The following KCNK9 variants were observed in gnomAD, a reference collection of about 807,000 sequenced individuals.
The protein encoded by KCNK9 is potassium channel subfamily K member 9.
A neutral mutation model predicts 10.8 loss-of-function variants in KCNK9; 1 was observed. That is an observed-to-expected ratio of 0.09 (90% CI 0.03 to 0.44). The LOEUF (loss-of-function observed/expected upper bound fraction) is 0.44, where lower values mean the gene tolerates loss of function less well. KCNK9 is among the 20% of genes least tolerant of loss of function. The probability of loss-of-function intolerance (pLI) is 0.97; values close to 1 mark genes in which losing one functional copy is unlikely to be tolerated. For synonymous variants in KCNK9, 231 were observed against 222.7 expected (o/e 1.04, Z -0.33); for missense variants, 303 against 515.0 (o/e 0.59, Z 3.98).
intron 2 of KCNK9, among the ~76,000 whole-genome samples, chr8:139,605,107 G>A (rs951183367): frequency 2.0e-5 from 3 of 152,316 alleles, no homozygotes; most frequent in African/African-American, 2.4e-5. Context: ...ATTTGCCTTC[G>A]ATATAAAGAA....
intron 1 of KCNK9, among the ~76,000 whole-genome samples, chr8:139,620,917 C>G (rs1352384319): frequency 6.6e-6 from 1 of 152,152 alleles, no homozygotes; most frequent in Non-Finnish European, 1.5e-5. Flanking sequence ...CTGGGGGGAG[C>G]TGTAGGGCAA....
intron 1 of KCNK9, 126 bp from the exon 2 acceptor site, chr8:139,619,225 T>TCTACC: frequency 5.5e-6 from 6 of 1,091,568 alleles, no homozygotes; most frequent in South Asian, 1.4e-5. Flanking sequence ...GGGAATTTCC[T>TCTACC]CTGCAGGGTA....
At chr8:139,623,516 T>C (rs1263149955) in intron 1 of KCNK9, among the ~76,000 whole-genome samples, 8 of 152,142 alleles carry the variant, frequency 5.3e-5, no homozygotes, top group Non-Finnish European at 8.8e-5. Flanking sequence ...GGCTGGGGCA[T>C]GGATGTGGAA....
At chr8:139,671,056 C>T (rs912647010) in intron 1 of KCNK9, among the ~76,000 whole-genome samples, 9 of 152,342 alleles carry the variant, frequency 5.9e-5, no homozygotes, top group South Asian at 4.1e-4. Context: ...TTCCTTCCCT[C>T]GCTCCTTCCT....
At chr8:139,652,761 C>T (rs1815906469) in intron 1 of KCNK9, among the ~76,000 whole-genome samples, 2 of 152,188 alleles carry the variant, frequency 1.3e-5, no homozygotes, top group Non-Finnish European at 1.5e-5. Flanking sequence ...TGCAGCCAAA[C>T]GCTGTCAGCT....
In KCNK9 at chr8:139,680,328, C is replaced by T. The variant is rs950625648; in HGVS notation, c.283+22382G>A. ...CAGGGCTGTGGAGGCTCACTTTCCA[C>T]CTCCCCACCCGGATCTGCCCCTTCA... On this transcript the variant is annotated intron_variant, in intron 1 of 1. Transcript: ENST00000520439. Among the ~76,000 whole-genome samples, 17 of 152,312 alleles carry T rather than the reference C, an allele frequency of 1.1e-4. No individual in the cohort carries two copies. The East Asian group carries it at 2.3e-3, about 21-fold the overall frequency.
chr8:139,648,318 A>C (rs924047940), intron 1 of KCNK9, among the ~76,000 whole-genome samples: 1 of 152,198 alleles, frequency 6.6e-6, no homozygotes, highest in Non-Finnish European at 1.5e-5. Flanking sequence ...GGAGCCGAAA[A>C]TAAGATGTTG....
chr8:139,601,538 A>AGG (rs1817369657), exon 3 of KCNK9: 1 of 152,218 alleles, frequency 6.6e-6, no homozygotes, highest in Admixed American at 6.5e-5. Flanking sequence ...GGGAAGGATG[A>AGG]GGCTGCCTCA....
intron 1 of KCNK9, among the ~76,000 whole-genome samples, chr8:139,696,270 T>C (rs1357425791): frequency 6.6e-6 from 1 of 152,234 alleles, no homozygotes; most frequent in African/African-American, 2.4e-5. Context: ...GCTAGTAATG[T>C]TCTGTCTCTT....
Position 139,623,510 on chromosome 8 carries a change from G to A in KCNK9, c.284-4411C>T, listed in dbSNP as rs143694597. Among the ~76,000 whole-genome samples, 248 of 152,266 alleles carry A rather than the reference G, an allele frequency of 1.6e-3. 3 individuals are homozygous for A. The highest frequency in any genetic ancestry group is 5.7e-3 in the African/African-American group (235 of 41,544). ...ACACGAGCAGGTGCGGATAGAGGCT[G>A]GGGCATGGATGTGGAAAGGCCACAG... On this transcript the variant is annotated intron_variant, in intron 1 of 1. Transcript: ENST00000520439.
rs960750635 is a variant in KCNK9, at chr8:139,617,436, T to C, written c.*822A>G. 2.6e-5 allele frequency among the ~76,000 whole-genome samples: 4 copies of C among 152,198 alleles called. No homozygotes were observed. The highest frequency in any genetic ancestry group is 9.7e-5 in the African/African-American group (4 of 41,444). ...GATTATTCCATTTCTAGTTTTTTTG[T>C]TGATAGCGCATACCAGTTTAACAAA... On this transcript the variant is annotated 3_prime_UTR_variant, in exon 2 of 2. Transcript: ENST00000520439.
At chr8:139,627,855 G>T (rs922555564) in intron 1 of KCNK9, among the ~76,000 whole-genome samples, 1 of 152,240 alleles carries the variant, frequency 6.6e-6, no homozygotes, top group South Asian at 2.1e-4. Flanking sequence ...GAAGGTAACA[G>T]GGCTGTGAGC....
chr8:139,661,032 G>C (rs1368412825), intron 1 of KCNK9, among the ~76,000 whole-genome samples: 2 of 152,214 alleles, frequency 1.3e-5, no homozygotes, highest in Non-Finnish European at 2.9e-5. Flanking sequence ...ACTTTCCTGA[G>C]GCCCCCTTGA....
chr8:139,627,970 A>G (rs1453475349), intron 1 of KCNK9, among the ~76,000 whole-genome samples: 1 of 152,264 alleles, frequency 6.6e-6, no homozygotes, highest in Admixed American at 6.5e-5. Flanking sequence ...TTTAAAGAGA[A>G]GCCGAAAATA....
At chr8:139,637,044 A>G (rs1415513701) in intron 1 of KCNK9, among the ~76,000 whole-genome samples, 1 of 152,280 alleles carries the variant, frequency 6.6e-6, no homozygotes, top group African/African-American at 2.4e-5. Flanking sequence ...AAAGACAAAA[A>G]GGAAAAATGG....
chr8:139,617,665 T>C lies in KCNK9; in HGVS notation c.*593A>G, dbSNP rs1814640560. Among the ~76,000 whole-genome samples the C allele has an allele frequency of 1.3e-5, 2 of 152,204 alleles. No individual in the cohort carries two copies. ...AATCAAAAACCTTGTGGGTTTTGTC[T>C]TCCCGTTTTGTTTGGAAGCAGCCAA... On this transcript the variant is annotated 3_prime_UTR_variant, in exon 2 of 2. Transcript: ENST00000520439.
At chr8:139,678,023 G>A (rs368647480) in intron 1 of KCNK9, among the ~76,000 whole-genome samples, 1 of 146,628 alleles carries the variant, frequency 6.8e-6, no homozygotes, top group African/African-American at 2.8e-5. Context: ...GTAATACCTC[G>A]CATCCCAGCC....
intron 1 of KCNK9, among the ~76,000 whole-genome samples, chr8:139,654,680 T>C (rs1205908476): frequency 6.6e-6 from 1 of 152,238 alleles, no homozygotes; most frequent in Non-Finnish European, 1.5e-5. Context: ...TCCAGGCACC[T>C]GAGGATACTG....
chr8:139,623,829 G>A (rs1402304484), intron 1 of KCNK9, among the ~76,000 whole-genome samples: 1 of 152,098 alleles, frequency 6.6e-6, no homozygotes, highest in Non-Finnish European at 1.5e-5. Context: ...CAAAATTCAG[G>A]AGGGACACAC....
Sources: gnomAD v4.1 joint callset for allele counts (sites outside exome capture counted in the v4.1 genomes callset) on GRCh38, gnomAD v4.1.1 for gene constraint, MANE v1.5 for transcripts, NCBI Gene and HGNC (gene_info 2026-07-23, HGNC 2026-07-21) for gene names.